Variants in PCDH11X observed in about 807,000 individuals in gnomAD.
PCDH11X encodes protocadherin-11 X-linked.
PCDH11X carries 18 observed loss-of-function variants against 53.3 expected under a neutral mutation model. That is an observed-to-expected ratio of 0.34 (90% confidence interval 0.23 to 0.50). The LOEUF is 0.50. Ranked by LOEUF, PCDH11X falls within the 20% of genes least tolerant of loss-of-function variation. PCDH11X has a pLI of 0.98. For synonymous variants in PCDH11X, 279 were observed against 393.3 expected (o/e 0.71, Z 3.44); for missense variants, 570 against 1,032.4 (o/e 0.55, Z 6.14).
At chrX:92,542,452 G>C (rs1180332878) in intron 10 of PCDH11X, among the ~76,000 whole-genome samples, 2 of 110,570 alleles carry the variant, frequency 1.8e-5, no homozygotes, top group Non-Finnish European at 3.8e-5. Context: ...GGAACACTGG[G>C]ACCACTAGCA....
intron 10 of PCDH11X, among the ~76,000 whole-genome samples, chrX:92,561,160 A>C (rs2075125557): frequency 9.6e-6 from 1 of 103,685 alleles, no homozygotes; most frequent in African/African-American, 3.5e-5. Context: ...AATCCTTTCA[A>C]ATACCTGGAT....
chrX:91,810,810 G>A (rs1272211626), intron 3 of PCDH11X, among the ~76,000 whole-genome samples: 2 of 111,685 alleles, frequency 1.8e-5, no homozygotes, highest in Non-Finnish European at 3.8e-5. Context: ...AATGGGGCTA[G>A]GATCACACCT....
intron 4 of PCDH11X, chrX:91,834,712 A>G (rs1217408631): frequency 1.9e-5 from 2 of 106,753 alleles, no homozygotes; most frequent in East Asian, 5.7e-4. Flanking sequence ...AATATCCTGA[A>G]AACTTTTTTT....
At chrX:92,566,109 A>T (rs1306353451) in intron 10 of PCDH11X, among the ~76,000 whole-genome samples, 1 of 109,546 alleles carries the variant, frequency 9.1e-6, no homozygotes, top group African/African-American at 3.3e-5. Flanking sequence ...AAAAAAAAGA[A>T]GTTGGCTTTT....
rs777499731 is a variant in PCDH11X, at chrX:91,878,702, C to A, written c.2462C>A (p.Thr821Asn). Residue 821 changes from threonine to asparagine, a missense_variant, in exon 6 of 11, where the codon ACC becomes AAC. Transcript: ENST00000682573. ...VKILVAAVAG[T>N]ITVVVVIFIT... ...ATCCTGGTTGCAGCTGTTGCTGGCACCATAACTGTCGTTGTAGTTATTTTC... is the reference window on the plus strand; with the variant it reads ...ATCCTGGTTGCAGCTGTTGCTGGCAACATAACTGTCGTTGTAGTTATTTTC... The A allele has an allele frequency of 4.1e-6, 5 of 1,210,278 alleles. No individual in the cohort carries two copies. In the Admixed American group the frequency reaches 1.1e-4, roughly 26 times the overall value.
intron 8 of PCDH11X, among the ~76,000 whole-genome samples, chrX:92,297,155 G>A (rs1202931176): frequency 9.2e-6 from 1 of 108,865 alleles, no homozygotes; most frequent in Non-Finnish European, 1.9e-5. Flanking sequence ...AGTTTAATTA[G>A]ATATCATTTG....
chrX:92,463,277 A>T (rs180842842), intron 9 of PCDH11X, among the ~76,000 whole-genome samples: 1,562 of 111,598 alleles, frequency 0.014, 20 homozygotes, highest in African/African-American at 0.048. Context: ...ATTTTCTCTT[A>T]TTCTGCCCTT....
intron 9 of PCDH11X, among the ~76,000 whole-genome samples, chrX:92,432,629 T>C (rs1313336385): frequency 1.8e-5 from 2 of 109,739 alleles, no homozygotes; most frequent in Admixed American, 2.0e-4. Context: ...AAAATAACTG[T>C]GATTTCCATG....
At chrX:91,810,302 C>A (rs1360567342) in intron 2 of PCDH11X, among the ~76,000 whole-genome samples, 171 bp from the exon 3 acceptor site, 1 of 110,991 alleles carries the variant, frequency 9.0e-6, no homozygotes, top group Non-Finnish European at 1.9e-5. Flanking sequence ...TTCCCTTTTC[C>A]CAAAATCTAA....
At chrX:92,076,436 A>G (rs1369646856) in intron 6 of PCDH11X, among the ~76,000 whole-genome samples, 1 of 101,081 alleles carries the variant, frequency 9.9e-6, no homozygotes, top group Non-Finnish European at 1.9e-5. Context: ...GTTTGTTCAG[A>G]AATCCTTCCA....
At chrX:91,867,251 C>T (rs1350806276) in intron 5 of PCDH11X, among the ~76,000 whole-genome samples, 1 of 111,767 alleles carries the variant, frequency 8.9e-6, no homozygotes, top group Non-Finnish European at 1.9e-5. Flanking sequence ...ATCATTGTTT[C>T]TCTTAATTCA....
intron 9 of PCDH11X, among the ~76,000 whole-genome samples, chrX:92,403,729 A>T (rs73534841): frequency 0.18 from 20,147 of 110,817 alleles, 1,470 homozygotes; most frequent in Non-Finnish European, 0.22. Context: ...TTCAAGGGCA[A>T]GGGAAATGAG....
At chrX:92,215,715 T>G (rs370667774) in intron 7 of PCDH11X, among the ~76,000 whole-genome samples, 1 of 103,915 alleles carries the variant, frequency 9.6e-6, no homozygotes, top group African/African-American at 3.5e-5. Context: ...TCTCCCAGCA[T>G]GCAGCTGGAG....
intron 6 of PCDH11X, among the ~76,000 whole-genome samples, chrX:91,981,948 T>A (rs1221593400): frequency 1.9e-5 from 2 of 106,419 alleles, no homozygotes; most frequent in Non-Finnish European, 3.9e-5. Context: ...ATAACAGAAG[T>A]CCAATTTAGA....
At chrX:91,967,014 T>C (rs1241877527) in intron 6 of PCDH11X, among the ~76,000 whole-genome samples, 1 of 84,786 alleles carries the variant, frequency 1.2e-5, no homozygotes, top group East Asian at 4.7e-4. Flanking sequence ...CCAATGTGTG[T>C]TGTTCCCATT....
intron 9 of PCDH11X, chrX:92,461,009 T>TTA (rs1556428148): frequency 2.7e-6 from 1 of 367,366 alleles, no homozygotes; most frequent in African/African-American, 3.1e-5. Context: ...AGTACAGAGT[T>TTA]AAAAAAAAAA....
chrX:91,807,377 G>A (rs1308669033), intron 1 of PCDH11X, among the ~76,000 whole-genome samples: 1 of 109,451 alleles, frequency 9.1e-6, no homozygotes, highest in Non-Finnish European at 1.9e-5. Flanking sequence ...AAGGTCAACA[G>A]GAAGAATCAA....
chrX:92,302,436 G>T (rs891017051), intron 8 of PCDH11X, among the ~76,000 whole-genome samples: 3 of 110,300 alleles, frequency 2.7e-5, no homozygotes, highest in African/African-American at 9.9e-5. Flanking sequence ...ATTTTCTGAC[G>T]CTTTAAATGG....
chrX:91,818,471 C>T (rs1249702442), intron 4 of PCDH11X, among the ~76,000 whole-genome samples: 1 of 109,534 alleles, frequency 9.1e-6, no homozygotes, highest in Non-Finnish European at 1.9e-5. Flanking sequence ...AGGCTGAGGC[C>T]GGTGGATCAT....
Sources: allele counts gnomAD v4.1 joint callset (sites outside exome capture counted in the v4.1 genomes callset), GRCh38; gene constraint gnomAD v4.1.1; transcripts MANE v1.5; gene names NCBI Gene and HGNC (gene_info 2026-07-23, HGNC 2026-07-21).